The following HAVCR1 variants were observed in gnomAD, a reference collection of about 807,000 sequenced individuals.
HAVCR1 encodes the protein T cell immunoglobin domain and mucin domain protein 1.
HAVCR1 carries 34 observed loss-of-function variants against 32.0 expected under a neutral mutation model. That is an observed-to-expected ratio of 1.06 (90% CI 0.81 to 1.42). HAVCR1 has a LOEUF of 1.42. HAVCR1 is among the 40% of genes most tolerant of loss of function. The pLI is 0.00. For synonymous variants in HAVCR1, 178 were observed against 170.3 expected (o/e 1.05, Z -0.35); for missense variants, 420 against 442.3 (o/e 0.95, Z 0.45).
At position 157,052,051 on chromosome 5, in the gene HAVCR1, C is replaced by T. The variant is rs192098089; in HGVS notation, c.673+310G>A. Among the ~76,000 whole-genome samples, 8 of 152,330 alleles carry T rather than the reference C, an allele frequency of 5.3e-5. No homozygotes were observed. In the East Asian group the frequency reaches 1.5e-3, roughly 29 times the overall value. ...CTGTGTTTTCATCATAAAGCCATAC[C>T]TAGCTGAGTCAGATCCACAGTATCC... On this transcript the variant is annotated intron_variant, in intron 4 of 8. Transcript: ENST00000523175.
Position 157,052,616 on chromosome 5 carries a change from T to G in HAVCR1, c.418A>C (p.Thr140Pro). The G allele has an allele frequency of 6.2e-7, 1 of 1,614,072 alleles. No homozygotes were observed. The highest frequency in any genetic ancestry group is 2.2e-5 in the East Asian group (1 of 44,872). ...TTTPIVTTVPTVTTVRTSTTV... is the reference protein window; with the variant it reads ...TTTPIVTTVPPVTTVRTSTTV... ...GTGCTCGTTCGAACAGTCGTGACGGTTGGAACAGTTGTGACAATTGGAGTA... is the reference window on the plus strand; with the variant it reads ...GTGCTCGTTCGAACAGTCGTGACGGGTGGAACAGTTGTGACAATTGGAGTA... The change falls in exon 4 of 9, where the codon ACC becomes CCC. Residue 140 changes from threonine to proline, a missense_variant. Transcript: ENST00000523175.
chr5:157,035,396 T>G (rs891497299), intron 7 of HAVCR1, among the ~76,000 whole-genome samples: 1 of 152,208 alleles, frequency 6.6e-6, no homozygotes, highest in Admixed American at 6.5e-5. Flanking sequence ...TACCACATCT[T>G]GCAAAATAGC....
intron 5 of HAVCR1, among the ~76,000 whole-genome samples, chr5:157,045,999 TTG>T (rs1491246742): frequency 6.6e-6 from 1 of 152,196 alleles, no homozygotes; most frequent in Admixed American, 6.5e-5. Context: ...CACTGTTACG[TTG>T]TGTTTTTATC....
At chr5:157,057,449 AAGAAAGAAAGAAAGAG>A (rs1202637665) in intron 2 of HAVCR1, among the ~76,000 whole-genome samples, 5 of 114,964 alleles carry the variant, frequency 4.3e-5, no homozygotes, top group Admixed American at 2.6e-4. Flanking sequence ...GAAAGAAAGA[AAGAAAGAAAGAAAGAG>A]AATTGAATGT....
chr5:157,035,731 C>G (rs1354982941), intron 7 of HAVCR1, among the ~76,000 whole-genome samples: 1 of 151,968 alleles, frequency 6.6e-6, no homozygotes, highest in African/African-American at 2.4e-5. Flanking sequence ...TTTCTTGATA[C>G]AGTTGGCCCT....
chr5:157,051,066 G>T (rs1255676138), intron 4 of HAVCR1, among the ~76,000 whole-genome samples: 1 of 152,186 alleles, frequency 6.6e-6, no homozygotes, highest in African/African-American at 2.4e-5. Flanking sequence ...GAAAATGGAA[G>T]ATTTGAACCT....
chr5:157,052,458 C>T lies in HAVCR1; in HGVS notation c.576G>A (p.Thr192=), dbSNP rs113007512. The part of the protein sequence containing the change: ...MTVSTTTSVP[T]TTSIPTTTSV... ...TTGTTGTTGTTGGAATGCTCGTTGT[C>T]GTTGGAACGCTCGTTGTCGTTGAAA... The change falls in exon 4 of 9, where the codon ACG becomes ACA. Residue 192 remains threonine (T), a synonymous_variant. Coordinates refer to ENST00000523175, the MANE Select transcript of HAVCR1 (RefSeq NM_001173393.3). 20 of 1,603,890 alleles carry T rather than the reference C, an allele frequency of 1.2e-5. No homozygotes were observed. Among genetic ancestry groups the T allele is most frequent in the African/African-American group, 9.4e-5 (7 of 74,518 alleles).
chr5:157,053,420 C>T (rs538358749), intron 3 of HAVCR1, among the ~76,000 whole-genome samples: 2 of 147,650 alleles, frequency 1.4e-5, no homozygotes, highest in East Asian at 4.1e-4. Flanking sequence ...CCTCATCTTG[C>T]TCACCCTTAT....
At chr5:157,035,091 GC>G (rs1754449913) in intron 7 of HAVCR1, among the ~76,000 whole-genome samples, 1 of 151,790 alleles carries the variant, frequency 6.6e-6, no homozygotes, top group South Asian at 2.1e-4. Flanking sequence ...CAGTCATCTG[GC>G]CCTTTCTTCC....
chr5:157,036,721 G>C (rs1163866614), intron 7 of HAVCR1, among the ~76,000 whole-genome samples: 1 of 152,030 alleles, frequency 6.6e-6, no homozygotes, highest in Non-Finnish European at 1.5e-5. Flanking sequence ...TTTTATTTTA[G>C]AGACAATGTC....
intron 7 of HAVCR1, among the ~76,000 whole-genome samples, chr5:157,033,089 T>C (rs1239204385): frequency 6.6e-6 from 1 of 152,168 alleles, no homozygotes; most frequent in Non-Finnish European, 1.5e-5. Context: ...CTCAATTTCA[T>C]TAATGGTTTG....
At chr5:157,068,073 A>C in the HAVCR1 span, among the ~76,000 whole-genome samples, 1 of 151,132 alleles carries the variant, frequency 6.6e-6, no homozygotes, top group African/African-American at 2.4e-5. Flanking sequence ...GGAGTTCCAG[A>C]CCAGCCTGGC....
At chr5:157,030,107 C>T (rs978671028) in intron 8 of HAVCR1, among the ~76,000 whole-genome samples, 1 of 152,020 alleles carries the variant, frequency 6.6e-6, no homozygotes, top group South Asian at 2.1e-4. Context: ...CTTTGAAACT[C>T]GCATAATAGA....
chr5:157,045,741 C>T (rs181310743), intron 5 of HAVCR1, among the ~76,000 whole-genome samples: 73 of 152,348 alleles, frequency 4.8e-4, no homozygotes, highest in African/African-American at 1.6e-3. Context: ...ATATTCCTTG[C>T]TTCCATGGGC....
intron 4 of HAVCR1, among the ~76,000 whole-genome samples, chr5:157,051,001 C>G (rs72805164): frequency 0.027 from 4,169 of 152,264 alleles, 73 homozygotes; most frequent in South Asian, 0.065. Flanking sequence ...CCTAAGGGGT[C>G]AATGGATTTC....
intron 6 of HAVCR1, among the ~76,000 whole-genome samples, chr5:157,038,713 T>A (rs1754689967): frequency 2.0e-5 from 3 of 152,080 alleles, no homozygotes; most frequent in Admixed American, 2.0e-4. Context: ...GGAAGTGTAA[T>A]GTGGGTAGAT....
chr5:157,049,074 C>T lies in HAVCR1; in HGVS notation c.745G>A (p.Glu249Lys). 4 of 1,611,648 alleles carry T rather than the reference C, an allele frequency of 2.5e-6. No homozygotes were observed. The highest frequency in any genetic ancestry group is 3.4e-6 in the Non-Finnish European group (4 of 1,177,892). The stretch of plus-strand genomic sequence containing the variant: ...GAGTACAATGGTGAGCTGGTGGGTT[C>T]TCTCCTTATTGCTCCCTGCAGTGTC... Reference protein sequence around the residue: ...PTTLQGAIRREPTSSPLYSYT... With the variant: ...PTTLQGAIRRKPTSSPLYSYT... The change falls in exon 5 of 9, where the codon GAA becomes AAA. Residue 249 changes from glutamate to lysine, a missense_variant. Coordinates refer to ENST00000523175, the MANE Select transcript of HAVCR1 (RefSeq NM_001173393.3).
chr5:157,051,380 T>C (rs1755726099), intron 4 of HAVCR1, among the ~76,000 whole-genome samples: 1 of 152,146 alleles, frequency 6.6e-6, no homozygotes, highest in Non-Finnish European at 1.5e-5. Flanking sequence ...AAGGGTTTTT[T>C]TCAGTAAAAA....
In HAVCR1 at chr5:157,031,251, A is replaced by G. The variant is rs182516789; in HGVS notation, c.987-1410T>C. ...TCGATGTGTATTGAGCACTTACAGTATGCTGGGCACTGTTCAGACAGGTTC... is the reference window on the plus strand; with the variant it reads ...TCGATGTGTATTGAGCACTTACAGTGTGCTGGGCACTGTTCAGACAGGTTC... On this transcript the variant is annotated intron_variant, in intron 8 of 8. Coordinates refer to ENST00000523175, the MANE Select transcript of HAVCR1 (RefSeq NM_001173393.3). 2.8e-3 allele frequency among the ~76,000 whole-genome samples: 432 copies of G among 152,340 alleles called. 2 individuals are homozygous for G. The highest frequency in any genetic ancestry group is 8.2e-3 in the Admixed American group (126 of 15,298).
Sources: gnomAD v4.1 joint callset for allele counts (sites outside exome capture counted in the v4.1 genomes callset) on GRCh38, gnomAD v4.1.1 for gene constraint, MANE v1.5 for transcripts, NCBI Gene and HGNC (gene_info 2026-07-23, HGNC 2026-07-21) for gene names.